The following ROBO2 variants were observed in gnomAD, a reference collection of about 807,000 sequenced individuals.
ROBO2 encodes roundabout homolog 2.
A neutral mutation model predicts 160.8 loss-of-function variants in ROBO2; 53 were observed. That is an observed-to-expected ratio of 0.33 (90% confidence interval 0.26 to 0.41). The LOEUF is 0.41. Among genes scored for constraint, ROBO2 ranks in the 10% least tolerant of loss-of-function variants. The pLI, the probability that ROBO2 is intolerant of heterozygous loss-of-function variation, is 1.00. For synonymous variants in ROBO2, 664 were observed against 611.7 expected, an observed-to-expected ratio of 1.09 and a Z score of -1.26; for missense variants, 1,577 against 1,722.4, an observed-to-expected ratio of 0.92 and a Z score of 1.49.
At chr3:76,950,046 A>G (rs1193641741) in intron 2 of ROBO2, among the ~76,000 whole-genome samples, 1 of 152,150 alleles carries the variant, frequency 6.6e-6, no homozygotes, top group Non-Finnish European at 1.5e-5. Context: ...TCTTTTTGTG[A>G]TGAAGTCTCC....
chr3:76,955,422 T>C (rs1425059683), intron 2 of ROBO2, among the ~76,000 whole-genome samples: 1 of 152,202 alleles, frequency 6.6e-6, no homozygotes, highest in East Asian at 1.9e-4. Context: ...TTGATCTTTC[T>C]GAGGGGAACC....
chr3:76,248,301 C>G (rs960350878), intron 2 of ROBO2, among the ~76,000 whole-genome samples: 2 of 152,014 alleles, frequency 1.3e-5, no homozygotes, highest in African/African-American at 4.8e-5. Context: ...TCATGGAATA[C>G]TATGCAGCCA....
At chr3:76,516,727 G>A (rs2107818607) in intron 2 of ROBO2, among the ~76,000 whole-genome samples, 1 of 152,166 alleles carries the variant, frequency 6.6e-6, no homozygotes, top group African/African-American at 2.4e-5. Context: ...TTTTGAGAAG[G>A]AACTAAGATC....
chr3:77,534,643 TA>T (rs1160701926), intron 6 of ROBO2, among the ~76,000 whole-genome samples: 3 of 152,200 alleles, frequency 2.0e-5, no homozygotes, highest in Non-Finnish European at 4.4e-5. Flanking sequence ...AAGGGAATAG[TA>T]CATAATTAGA....
intron 2 of ROBO2, among the ~76,000 whole-genome samples, chr3:77,285,861 A>G (rs1560428449): frequency 6.6e-6 from 1 of 152,242 alleles, no homozygotes. Context: ...AATATAGTTT[A>G]GAAAATAAAT....
rs1182786373 is a variant in ROBO2, at chr3:77,252,807, C to CA, written c.388+154492dup. Among the ~76,000 whole-genome samples the CA allele has an allele frequency of 4.4e-3, 140 of 32,046 alleles. 11 individuals are homozygous for CA. Among genetic ancestry groups the CA allele is most frequent in the African/African-American group, 0.016 (110 of 7,008 alleles). 21.0% of individuals were successfully genotyped at this position (32,046 alleles called of 152,430 possible). On this transcript the variant is annotated intron_variant, in intron 2 of 25. Coordinates refer to ENST00000461745, the Ensembl canonical transcript of ROBO2. ...TGGGCAGCAGAGCAAGACTCCATCTCAAAAAAAAAAAAAAAAAAAAAAAAA... is the reference window on the plus strand; with the variant it reads ...TGGGCAGCAGAGCAAGACTCCATCTCAAAAAAAAAAAAAAAAAAAAAAAAAA...
intron 2 of ROBO2, among the ~76,000 whole-genome samples, chr3:76,868,984 G>T (rs2071682466): frequency 1.3e-5 from 2 of 152,072 alleles, no homozygotes; most frequent in Non-Finnish European, 2.9e-5. Flanking sequence ...AAGGAGTCAA[G>T]AAAATGAGAT....
intron 2 of ROBO2, among the ~76,000 whole-genome samples, chr3:77,428,768 G>A (rs1379824944): frequency 6.6e-6 from 1 of 152,112 alleles, no homozygotes; most frequent in African/African-American, 2.4e-5. Flanking sequence ...TGTATAATAA[G>A]AAATACTTGT....
chr3:76,658,747 T>TA (rs1246839447), intron 2 of ROBO2, among the ~76,000 whole-genome samples: 10 of 152,206 alleles, frequency 6.6e-5, no homozygotes, highest in African/African-American at 2.4e-4. Flanking sequence ...GGTGGACATC[T>TA]GGGTTGGTTC....
chr3:76,070,887 C>T (rs1006860279), intron 2 of ROBO2, among the ~76,000 whole-genome samples: 10 of 152,216 alleles, frequency 6.6e-5, no homozygotes, highest in South Asian at 6.2e-4. Flanking sequence ...TTTGAATTTG[C>T]GATTCTTTGA....
intron 2 of ROBO2, among the ~76,000 whole-genome samples, chr3:75,991,100 G>T (rs923497414): frequency 6.6e-6 from 1 of 152,196 alleles, no homozygotes. Flanking sequence ...GACATCAGAT[G>T]GTGGGACTGG....
intron 2 of ROBO2, among the ~76,000 whole-genome samples, chr3:76,835,877 A>C (rs957895446): frequency 2.0e-5 from 3 of 152,010 alleles, no homozygotes; most frequent in South Asian, 2.1e-4. Context: ...TATGAGATTT[A>C]ACTTTTCAAC....
intron 2 of ROBO2, among the ~76,000 whole-genome samples, chr3:76,029,725 A>G (rs1018243794): frequency 3.3e-5 from 5 of 152,156 alleles, no homozygotes; most frequent in African/African-American, 9.7e-5. Flanking sequence ...ATAGTATTCC[A>G]TGGTGTATAT....
chr3:76,687,929 A>G (rs546512261), intron 2 of ROBO2, among the ~76,000 whole-genome samples: 13 of 152,034 alleles, frequency 8.6e-5, no homozygotes, highest in Non-Finnish European at 1.8e-4. Flanking sequence ...GGCATATTTA[A>G]CTATGGGTTT....
intron 2 of ROBO2, among the ~76,000 whole-genome samples, chr3:77,118,247 A>C (rs2150239385): frequency 6.6e-6 from 1 of 152,272 alleles, no homozygotes; most frequent in East Asian, 1.9e-4. Context: ...GGCTTGGAAA[A>C]TGTTGGGATG....
chr3:77,205,548 G>A (rs2083351370), intron 2 of ROBO2, among the ~76,000 whole-genome samples: 1 of 151,958 alleles, frequency 6.6e-6, no homozygotes, highest in African/African-American at 2.4e-5. Context: ...AACTTTTTGG[G>A]CTTGAAAACA....
At chr3:76,497,983 C>T (rs1316340890) in intron 2 of ROBO2, among the ~76,000 whole-genome samples, 1 of 152,198 alleles carries the variant, frequency 6.6e-6, no homozygotes, top group Non-Finnish European at 1.5e-5. Context: ...TATTTGTCTT[C>T]ACAACTTATC....
chr3:76,243,711 C>T (rs1178751400), intron 2 of ROBO2, among the ~76,000 whole-genome samples: 1 of 152,172 alleles, frequency 6.6e-6, no homozygotes, highest in Admixed American at 6.5e-5. Flanking sequence ...CGTTTACCTC[C>T]CTGTAGCCAA....
chr3:76,823,001 C>T (rs62261806), intron 2 of ROBO2, among the ~76,000 whole-genome samples: 1 of 151,936 alleles, frequency 6.6e-6, no homozygotes, highest in Non-Finnish European at 1.5e-5. Context: ...AGGACAATTA[C>T]AAACTACAAA....
Sources: allele counts gnomAD v4.1 joint callset (sites outside exome capture counted in the v4.1 genomes callset), GRCh38; gene constraint gnomAD v4.1.1; transcripts MANE v1.5; gene names NCBI Gene and HGNC (gene_info 2026-07-23, HGNC 2026-07-21).